The following THSD7B variants were observed in gnomAD, a reference collection of about 807,000 sequenced individuals.
THSD7B encodes the protein thrombospondin type-1 domain-containing protein 7B.
Under a neutral mutation model 213.6 loss-of-function variants are expected in THSD7B, and 138 were observed. That is an observed-to-expected ratio of 0.65 (90% confidence interval 0.56 to 0.74). The LOEUF (loss-of-function observed/expected upper bound fraction) is 0.74. Among genes scored for constraint, THSD7B ranks in the 30% least tolerant of loss-of-function variants. The pLI is 0.00. For missense variants in THSD7B, 1,931 were observed against 1,991.5 expected, an observed-to-expected ratio of 0.97 and a Z score of 0.58; for synonymous variants, 742 against 687.0, an observed-to-expected ratio of 1.08 and a Z score of -1.25.
chr2:136,782,890 A>G (rs1057302739), intron 1 of THSD7B, among the ~76,000 whole-genome samples: 1 of 152,154 alleles, frequency 6.6e-6, no homozygotes, highest in East Asian at 1.9e-4. Context: ...ATGCAATATT[A>G]TCTGTTAATT....
chr2:137,106,816 A>AAATGC (rs1688262378), intron 4 of THSD7B, among the ~76,000 whole-genome samples: 1 of 152,366 alleles, frequency 6.6e-6, no homozygotes, highest in African/African-American at 2.4e-5. Flanking sequence ...GTCATTAGAG[A>AAATGC]AATGCAAATG....
At chr2:137,202,218 C>T (rs1324276539) in intron 7 of THSD7B, among the ~76,000 whole-genome samples, 2 of 152,040 alleles carry the variant, frequency 1.3e-5, no homozygotes, top group East Asian at 1.9e-4. Flanking sequence ...TTTTCAGTAG[C>T]CTGAATGATA....
chr2:137,566,676 G>A (rs939627262), intron 16 of THSD7B, among the ~76,000 whole-genome samples: 12 of 152,128 alleles, frequency 7.9e-5, no homozygotes, highest in Admixed American at 7.9e-4. Flanking sequence ...GGGACCCATG[G>A]CAACTGAAAA....
At chr2:137,039,054 A>G (rs1686829770) in intron 2 of THSD7B, among the ~76,000 whole-genome samples, 1 of 152,200 alleles carries the variant, frequency 6.6e-6, no homozygotes, top group South Asian at 2.1e-4. Flanking sequence ...AAAACAGAGG[A>G]TGGGTAAAGC....
At chr2:137,291,478 G>T (rs377459559) in intron 12 of THSD7B, among the ~76,000 whole-genome samples, 1 of 152,078 alleles carries the variant, frequency 6.6e-6, no homozygotes, top group African/African-American at 2.4e-5. Context: ...ATTAATCCAT[G>T]TGCCCATTAT....
In THSD7B at chr2:137,009,332, T is replaced by C. The variant is rs144214775; in HGVS notation, c.140-47088T>C. On this transcript the variant is annotated intron_variant, in intron 2 of 27. Transcript: ENST00000409968. Reference sequence around the variant, plus strand: ...AGGTCTACAGCAGTATTTTTCAATCTTGGGATCATTGACTCTTTGAACCAG... The same window carrying C: ...AGGTCTACAGCAGTATTTTTCAATCCTGGGATCATTGACTCTTTGAACCAG... Among the ~76,000 whole-genome samples the C allele has an allele frequency of 1.4e-4, 21 of 152,296 alleles. No individual in the cohort carries two copies. The East Asian group carries it at 3.9e-3, about 28-fold the overall frequency.
At chr2:137,623,772 G>A (rs1282491181) in intron 20 of THSD7B, among the ~76,000 whole-genome samples, 1 of 152,172 alleles carries the variant, frequency 6.6e-6, no homozygotes, top group African/African-American at 2.4e-5. Flanking sequence ...CAACTTACAA[G>A]GGATGTGAAG....
chr2:136,837,903 A>G (rs1181158840), intron 1 of THSD7B, among the ~76,000 whole-genome samples: 4 of 152,232 alleles, frequency 2.6e-5, no homozygotes, highest in African/African-American at 9.6e-5. Flanking sequence ...GTCAAAATGC[A>G]TAATGGGTTC....
intron 15 of THSD7B, among the ~76,000 whole-genome samples, chr2:137,496,247 T>G (rs1426155169): frequency 6.6e-6 from 1 of 152,210 alleles, no homozygotes; most frequent in Non-Finnish European, 1.5e-5. Flanking sequence ...CCAGGTCCAA[T>G]GCTCTTAGCT....
chr2:137,521,957 G>A (rs916840673), intron 15 of THSD7B, among the ~76,000 whole-genome samples: 7 of 152,102 alleles, frequency 4.6e-5, no homozygotes, highest in African/African-American at 1.2e-4. Context: ...CCCAGTGTTC[G>A]AATCCCTCCT....
chr2:137,420,354 C>G lies in THSD7B; in HGVS notation c.2959+8482C>G, dbSNP rs974551527. Among the ~76,000 whole-genome samples, 3 of 152,120 alleles carry G rather than the reference C, an allele frequency of 2.0e-5. No individual in the cohort carries two copies. In the South Asian group the frequency reaches 6.2e-4, roughly 32 times the overall value. On this transcript the variant is annotated intron_variant, in intron 14 of 27. Coordinates refer to ENST00000409968, the MANE Select transcript of THSD7B (RefSeq NM_001316349.2). Reference sequence around the variant, plus strand: ...ATTTAATTTAATTTGCAACTTAATTCTCTAGTTGATTCCTAATAACCTTTC... The same window carrying G: ...ATTTAATTTAATTTGCAACTTAATTGTCTAGTTGATTCCTAATAACCTTTC...
chr2:137,460,527 A>T (rs1268342360), intron 15 of THSD7B, among the ~76,000 whole-genome samples: 1 of 152,114 alleles, frequency 6.6e-6, no homozygotes. Flanking sequence ...TTTCATTGTA[A>T]TGATTCAGCT....
At chr2:137,674,032 T>C (rs190045329) in intron 27 of THSD7B, among the ~76,000 whole-genome samples, 2 of 152,274 alleles carry the variant, frequency 1.3e-5, no homozygotes, top group East Asian at 3.9e-4. Flanking sequence ...ATAAACATAT[T>C]TGTGTAAATT....
chr2:137,138,997 T>A (rs1189023483), intron 5 of THSD7B, among the ~76,000 whole-genome samples: 1 of 152,162 alleles, frequency 6.6e-6, no homozygotes, highest in Non-Finnish European at 1.5e-5. Flanking sequence ...AAGTATTTAG[T>A]CCTGTGTATT....
At chr2:137,261,477 A>G (rs1038202422) in intron 10 of THSD7B, among the ~76,000 whole-genome samples, 2 of 152,196 alleles carry the variant, frequency 1.3e-5, no homozygotes, top group African/African-American at 4.8e-5. Context: ...AAGTCTTCTT[A>G]TTATTGCCCT....
chr2:137,648,677 G>A (rs1418681354), intron 21 of THSD7B, among the ~76,000 whole-genome samples: 2 of 152,094 alleles, frequency 1.3e-5, no homozygotes, highest in Non-Finnish European at 2.9e-5. Context: ...GAATTGTGCT[G>A]CAATAAACAT....
chr2:137,285,988 C>G (rs571505673), intron 12 of THSD7B, among the ~76,000 whole-genome samples: 12 of 151,498 alleles, frequency 7.9e-5, no homozygotes, highest in Non-Finnish European at 1.5e-4. Context: ...CCGGTAATCC[C>G]AACTACTCGG....
At chr2:137,359,380 A>G (rs540798979) in intron 12 of THSD7B, among the ~76,000 whole-genome samples, 8 of 152,192 alleles carry the variant, frequency 5.3e-5, no homozygotes, top group Non-Finnish European at 1.2e-4. Flanking sequence ...ATCTTAAAAT[A>G]GTGTGAGAGT....
At position 136,970,915 on chromosome 2, in the gene THSD7B, T is replaced by C. The variant is rs192621352; in HGVS notation, c.140-85505T>C. 9.2e-5 allele frequency among the ~76,000 whole-genome samples: 14 copies of C among 152,322 alleles called. No individual in the cohort carries two copies. The East Asian group carries it at 2.7e-3, about 29-fold the overall frequency. On this transcript the variant is annotated intron_variant, in intron 2 of 27. Transcript: ENST00000409968. ...AGCATTATATCAAAGCTTTACAAATTCTAGCCTATGGTTAATTAATCTTAA... is the reference window on the plus strand; with the variant it reads ...AGCATTATATCAAAGCTTTACAAATCCTAGCCTATGGTTAATTAATCTTAA...
Sources: allele counts gnomAD v4.1 joint callset (sites outside exome capture counted in the v4.1 genomes callset), GRCh38; gene constraint gnomAD v4.1.1; transcripts MANE v1.5; gene names NCBI Gene and HGNC (gene_info 2026-07-23, HGNC 2026-07-21).